Variants in ADCK1 observed in about 807,000 individuals in gnomAD.
ADCK1 encodes aarF domain containing kinase 1.
A neutral mutation model predicts 52.3 loss-of-function variants in ADCK1; 41 were observed. The ratio of observed to expected loss-of-function variants is 0.78; its 90% confidence interval spans 0.61 to 1.02. The LOEUF (loss-of-function observed/expected upper bound fraction) is 1.02. ADCK1 is among the 50% of genes least tolerant of loss of function. ADCK1 has a pLI of 0.00. For missense variants in ADCK1, 658 were observed against 679.5 expected, an observed-to-expected ratio of 0.97 and a Z score of 0.35; for synonymous variants, 250 against 274.6, an observed-to-expected ratio of 0.91 and a Z score of 0.89.
rs539324672 is a variant in ADCK1, at chr14:77,903,410, CT to C, written c.741+4154del. 1.4e-3 allele frequency among the ~76,000 whole-genome samples: 207 copies of C among 152,356 alleles called. 2 individuals carry two copies. The highest frequency in any genetic ancestry group is 2.3e-3 in the Non-Finnish European group (159 of 68,044). ...TCAGTGTGTGAGGCATCTTCCGGTG[CT>C]TATGTGCGGTTTAAGAACCTCAGCC... On this transcript the variant is annotated intron_variant, in intron 6 of 10. Coordinates refer to ENST00000238561, the MANE Select transcript of ADCK1 (RefSeq NM_020421.4).
At chr14:77,931,974 C>T (rs10438027) in intron 10 of ADCK1, among the ~76,000 whole-genome samples, 13,529 of 152,270 alleles carry the variant, frequency 0.089, 667 homozygotes, top group African/African-American at 0.12. Context: ...CAGGCCAGTG[C>T]TCTTTGTCCT....
chr14:77,890,466 C>A (rs1040079633), intron 5 of ADCK1, among the ~76,000 whole-genome samples: 7 of 152,210 alleles, frequency 4.6e-5, no homozygotes, highest in African/African-American at 1.7e-4. Flanking sequence ...AGGATTACTT[C>A]TTTCTTACTC....
intron 7 of ADCK1, among the ~76,000 whole-genome samples, chr14:77,916,274 C>G (rs2083922475): frequency 6.6e-6 from 1 of 151,894 alleles, no homozygotes; most frequent in Non-Finnish European, 1.5e-5. Flanking sequence ...TAATGAATGT[C>G]TCTGGCCAGA....
At chr14:77,817,800 A>G (rs2081490504) in intron 1 of ADCK1, among the ~76,000 whole-genome samples, 1 of 151,656 alleles carries the variant, frequency 6.6e-6, no homozygotes, top group African/African-American at 2.4e-5. Context: ...CAGTGGCGCA[A>G]TCTCGGCTTA....
intron 3 of ADCK1, among the ~76,000 whole-genome samples, chr14:77,842,734 A>G (rs1482759182): frequency 1.3e-5 from 2 of 151,434 alleles, no homozygotes; most frequent in Non-Finnish European, 2.9e-5. Flanking sequence ...TATTTTTAGT[A>G]GAGACAGGTT....
intron 3 of ADCK1, among the ~76,000 whole-genome samples, chr14:77,834,026 A>T (rs537942709): frequency 2.5e-4 from 38 of 152,330 alleles, no homozygotes; most frequent in African/African-American, 8.4e-4. Flanking sequence ...AGTACACTTT[A>T]CCCATGCAGT....
chr14:77,811,584 A>G (rs1331741044), intron 1 of ADCK1, among the ~76,000 whole-genome samples: 1 of 152,186 alleles, frequency 6.6e-6, no homozygotes, highest in Non-Finnish European at 1.5e-5. Context: ...AGGTGGGAAG[A>G]TTGAGTCCAG....
intron 7 of ADCK1, among the ~76,000 whole-genome samples, chr14:77,921,074 C>T (rs896186499): frequency 2.6e-5 from 4 of 151,574 alleles, no homozygotes; most frequent in Non-Finnish European, 5.9e-5. Context: ...CGCCTGTAAT[C>T]CCAGCACTTT....
intron 7 of ADCK1, among the ~76,000 whole-genome samples, chr14:77,908,798 A>G (rs2083725234): frequency 6.6e-6 from 1 of 152,146 alleles, no homozygotes. Flanking sequence ...ACACATCTAA[A>G]TCCTTGCTGT....
chr14:77,914,562 GT>G (rs1223621397), intron 7 of ADCK1: 116 of 985,320 alleles, frequency 1.2e-4, no homozygotes, highest in Non-Finnish European at 1.3e-4. Context: ...GTGGGGCTGG[GT>G]GAGGCTTTAT....
At chr14:77,871,873 G>A (rs2082786036) in intron 4 of ADCK1, among the ~76,000 whole-genome samples, 1 of 152,146 alleles carries the variant, frequency 6.6e-6, no homozygotes. Flanking sequence ...GCAAACTGAG[G>A]CCAGAGATGT....
At position 77,907,829 on chromosome 14, in the gene ADCK1, C is replaced by T. The variant is rs34272020; in HGVS notation, c.768C>T (p.Ser256=). 176,037 of 1,613,490 alleles carry T rather than the reference C, an allele frequency of 0.11. 10,340 individuals carry two copies. The highest frequency in any genetic ancestry group is 0.13 in the Middle Eastern group (773 of 6,058). The change falls in exon 7 of 11, where the codon TCC becomes TCT. Residue 256 remains serine, a synonymous_variant. Transcript: ENST00000238561. ...TCCCCCGAATCCACTGGGACCTGTCCACGGAGCGGGTCCTCCTGATGGAGT... is the reference window on the plus strand; with the variant it reads ...TCCCCCGAATCCACTGGGACCTGTCTACGGAGCGGGTCCTCCTGATGGAGT... ...LKVPRIHWDL[S]TERVLLMEFV...
At position 77,925,331 on chromosome 14, in the gene ADCK1, C is replaced by T. The variant is rs149199456; in HGVS notation, c.1009-433C>T. Among the ~76,000 whole-genome samples, 894 of 152,306 alleles carry T rather than the reference C, an allele frequency of 5.9e-3. 9 individuals carry two copies. Among genetic ancestry groups the T allele is most frequent in the Non-Finnish European group, 0.01 (682 of 68,030 alleles). Reference sequence around the variant, plus strand: ...GGGTGGAGGAGACTGCCAGGCTCTGCCTCCCAAGCCTCACCAGAGGTGATG... The same window carrying T: ...GGGTGGAGGAGACTGCCAGGCTCTGTCTCCCAAGCCTCACCAGAGGTGATG... On this transcript the variant is annotated intron_variant, in intron 8 of 10. Coordinates refer to ENST00000238561, the MANE Select transcript of ADCK1 (RefSeq NM_020421.4).
chr14:77,902,472 C>T (rs1419343893), intron 6 of ADCK1: 1 of 152,216 alleles, frequency 6.6e-6, no homozygotes, highest in African/African-American at 2.4e-5. Flanking sequence ...AAACTTGGCT[C>T]TTTGAGACAA....
At chr14:77,847,150 TG>T (rs1023748532) in intron 3 of ADCK1, among the ~76,000 whole-genome samples, 3 of 152,038 alleles carry the variant, frequency 2.0e-5, no homozygotes, top group Non-Finnish European at 2.9e-5. Flanking sequence ...TGCAAGGGCC[TG>T]GGGGCAGGGG....
chr14:77,886,998 AC>A, intron 4 of ADCK1, 92 bp from the exon 5 acceptor site: 1 of 1,372,518 alleles, frequency 7.3e-7, no homozygotes. Flanking sequence ...TCCTGGGGGC[AC>A]TAGGCAGCCC....
At chr14:77,812,360 A>T (rs2081353403) in intron 1 of ADCK1, among the ~76,000 whole-genome samples, 1 of 151,838 alleles carries the variant, frequency 6.6e-6, no homozygotes, top group African/African-American at 2.4e-5. Context: ...TTTAGATTCC[A>T]CCTAAGAGTG....
At position 77,924,597 on chromosome 14, in the gene ADCK1, G is replaced by A. The variant is rs2084143530; in HGVS notation, c.999G>A (p.Gly333=). The change falls in exon 8 of 11, where the codon GGG becomes GGA. Residue 333 remains glycine (G), a synonymous_variant. Coordinates refer to ENST00000238561, the MANE Select transcript of ADCK1 (RefSeq NM_020421.4). ...CGGAGATTGTCCTGTTGGACCATGG[G>A]CTTTACCAGGTAGAAGAGGCCTTTG... is the stretch of plus-strand genomic sequence containing the variant. ...GKAEIVLLDH[G]LYQMLTEEFR... 2 of 1,612,954 alleles carry A rather than the reference G, an allele frequency of 1.2e-6. No homozygotes were observed. The highest frequency in any genetic ancestry group is 2.7e-5 in the African/African-American group (2 of 74,964).
chr14:77,826,706 A>T lies in ADCK1; in HGVS notation c.219+4188A>T, dbSNP rs574751411. Among the ~76,000 whole-genome samples the T allele has an allele frequency of 3.3e-5, 5 of 152,206 alleles. No individual in the cohort carries two copies. In the South Asian group the frequency reaches 1.0e-3, roughly 32 times the overall value. ...CTGATGAGGGTTTGTGATGTAGTGGATATTTGTTAATTTTTCAGTTTGGAA... is the reference window on the plus strand; with the variant it reads ...CTGATGAGGGTTTGTGATGTAGTGGTTATTTGTTAATTTTTCAGTTTGGAA... On this transcript the variant is annotated intron_variant, in intron 3 of 10. Transcript: ENST00000238561.
Sources: allele counts gnomAD v4.1 joint callset (sites outside exome capture counted in the v4.1 genomes callset), GRCh38; gene constraint gnomAD v4.1.1; transcripts MANE v1.5; gene names NCBI Gene and HGNC (gene_info 2026-07-23, HGNC 2026-07-21).